EYA2: variants seen among roughly 807,000 people sequenced by gnomAD.
EYA2 encodes EYA transcriptional coactivator and phosphatase 2, also known as protein phosphatase EYA2.
EYA2 carries 31 observed loss-of-function variants against 69.2 expected under a neutral mutation model. The ratio of observed to expected loss-of-function variants is 0.45; its 90% CI spans 0.34 to 0.60. EYA2 has a LOEUF of 0.60. EYA2 is among the 20% of genes least tolerant of loss of function. The pLI, the probability that EYA2 is intolerant of heterozygous loss-of-function variation, is 0.02. For synonymous variants in EYA2, 257 were observed against 279.4 expected (o/e 0.92, Z 0.80); for missense variants, 622 against 701.2 (o/e 0.89, Z 1.28).
At chr20:47,097,317 A>G (rs2032278974) in intron 9 of EYA2, 149 bp downstream of exon 9, 2 of 605,424 alleles carry the variant, frequency 3.3e-6, no homozygotes, top group Admixed American at 6.6e-5. Context: ...AAAAATTCCT[A>G]TGACATTTTC....
At position 47,089,396 on chromosome 20, in the gene EYA2, C is replaced by G; in HGVS notation, c.804+15C>G. 1 of 1,606,514 alleles carries G rather than the reference C, an allele frequency of 6.2e-7. No homozygotes were observed. Among genetic ancestry groups the G allele is most frequent in the South Asian group, 1.1e-5 (1 of 90,202 alleles). ...ATGAGATTGAGGTAATCCAAAGGGG[C>G]TCTGTGTGACCTGGTGAATGTAATC... is the stretch of plus-strand genomic sequence containing the variant. On this transcript the variant is annotated intron_variant, in intron 8 of 15. Transcript: ENST00000327619.
chr20:46,914,692 C>G (rs918260638), intron 1 of EYA2, among the ~76,000 whole-genome samples: 2 of 152,184 alleles, frequency 1.3e-5, no homozygotes, highest in Admixed American at 1.3e-4. Context: ...GTCCCTCCCA[C>G]GACACGTGGG....
chr20:46,952,997 T>C (rs1375029814), intron 1 of EYA2, among the ~76,000 whole-genome samples: 1 of 152,208 alleles, frequency 6.6e-6, no homozygotes, highest in Non-Finnish European at 1.5e-5. Context: ...GCACAGCTCA[T>C]AGAGTTCAAT....
At chr20:47,046,918 TACTTA>T (rs1401160991) in intron 5 of EYA2, among the ~76,000 whole-genome samples, 1 of 152,210 alleles carries the variant, frequency 6.6e-6, no homozygotes, top group Non-Finnish European at 1.5e-5. Flanking sequence ...TTAGACATGT[TACTTA>T]ACTTCTTTAA....
chr20:47,105,180 A>G (rs1256216046), intron 9 of EYA2, among the ~76,000 whole-genome samples: 1 of 152,298 alleles, frequency 6.6e-6, no homozygotes, highest in East Asian at 1.9e-4. Context: ...GGAGTCCTCC[A>G]CCTTTGTTCT....
intron 2 of EYA2, among the ~76,000 whole-genome samples, chr20:46,997,295 C>T (rs1600623708): frequency 6.6e-6 from 1 of 152,120 alleles, no homozygotes; most frequent in Admixed American, 6.5e-5. Flanking sequence ...GGAAAATACA[C>T]CCCCATGCTT....
chr20:47,142,965 A>G, intron 9 of EYA2, 94 bp from the exon 10 acceptor site: 1 of 1,175,498 alleles, frequency 8.5e-7, no homozygotes, highest in Non-Finnish European at 1.2e-6. Flanking sequence ...AGGAAAAACC[A>G]AAACTGCTTT....
intron 10 of EYA2, among the ~76,000 whole-genome samples, chr20:47,163,798 C>T (rs1320622347): frequency 6.8e-6 from 1 of 146,302 alleles, no homozygotes; most frequent in Non-Finnish European, 1.5e-5. Context: ...GCTACGACCT[C>T]ATCAAGGGAA....
intron 7 of EYA2, among the ~76,000 whole-genome samples, chr20:47,074,643 T>C (rs2146478301): frequency 6.6e-6 from 1 of 152,328 alleles, no homozygotes; most frequent in South Asian, 2.1e-4. Flanking sequence ...TGGCTTCTTT[T>C]GAAAGAAGAT....
chr20:46,986,417 CTATA>C (rs375276401), intron 1 of EYA2, among the ~76,000 whole-genome samples: 2 of 139,282 alleles, frequency 1.4e-5, no homozygotes, highest in African/African-American at 5.4e-5. Context: ...TATATAATAT[CTATA>C]TATATAATAT....
At chr20:47,059,729 C>G (rs2030791232) in intron 5 of EYA2, among the ~76,000 whole-genome samples, 3 of 152,236 alleles carry the variant, frequency 2.0e-5, no homozygotes, top group Admixed American at 2.0e-4. Flanking sequence ...TCCCCAAACT[C>G]TCCAGAATTT....
chr20:47,126,222 C>T (rs565359546), intron 9 of EYA2, among the ~76,000 whole-genome samples: 1 of 152,332 alleles, frequency 6.6e-6, no homozygotes, highest in Non-Finnish European at 1.5e-5. Flanking sequence ...CTTCGCGTGG[C>T]ACCTGAGAAA....
rs3085517 is a variant in EYA2, at chr20:47,105,624, CA to C, written c.888+8472del. Among the ~76,000 whole-genome samples, 47 of 131,206 alleles carry C rather than the reference CA, an allele frequency of 3.6e-4. 1 individual carries two copies. The highest frequency in any genetic ancestry group is 6.3e-4 in the Admixed American group (8 of 12,768). 86.1% of individuals were successfully genotyped at this position (131,206 alleles called of 152,430 possible). A position where few individuals can be genotyped will look rare whatever the true frequency, so the allele number is the denominator to read the frequency against. ...TGGGCGACAGAGCAAGACTCTGTCC[CA>C]AAAAAAAAAAAAAAAGGAACCTGCC... On this transcript the variant is annotated intron_variant, in intron 9 of 15. Coordinates refer to ENST00000327619, the MANE Select transcript of EYA2 (RefSeq NM_005244.5).
At chr20:46,978,204 T>C in intron 1 of EYA2, 1 of 180,896 alleles carries the variant, frequency 5.5e-6, no homozygotes, top group South Asian at 1.2e-4. Flanking sequence ...TGGGAGATGC[T>C]AATTGCCAGG....
At chr20:46,974,841 G>C (rs1269798295) in intron 1 of EYA2, among the ~76,000 whole-genome samples, 1 of 152,208 alleles carries the variant, frequency 6.6e-6, no homozygotes, top group South Asian at 2.1e-4. Context: ...GAATCAAGCA[G>C]AACATGTGTG....
chr20:46,958,301 G>T (rs1180397216), intron 1 of EYA2, among the ~76,000 whole-genome samples: 1 of 152,154 alleles, frequency 6.6e-6, no homozygotes, highest in Non-Finnish European at 1.5e-5. Flanking sequence ...CTTTGAGAGA[G>T]AATCTAAACT....
chr20:47,134,924 A>G (rs1175327646), intron 9 of EYA2, among the ~76,000 whole-genome samples: 1 of 151,900 alleles, frequency 6.6e-6, no homozygotes, highest in Non-Finnish European at 1.5e-5. Flanking sequence ...TCAGGAGATC[A>G]AGACCATCCT....
At chr20:47,073,357 A>G (rs1056485955) in intron 6 of EYA2, among the ~76,000 whole-genome samples, 10 of 152,040 alleles carry the variant, frequency 6.6e-5, no homozygotes, top group Admixed American at 6.5e-4. Flanking sequence ...CCCTCATAGA[A>G]TATTCTGGAC....
At chr20:47,107,686 G>C (rs2032628504) in intron 9 of EYA2, among the ~76,000 whole-genome samples, 1 of 142,492 alleles carries the variant, frequency 7.0e-6, no homozygotes. Context: ...ACAAGAAAGA[G>C]AGAAAGAAAA....
Sources: allele counts gnomAD v4.1 joint callset (sites outside exome capture counted in the v4.1 genomes callset), GRCh38; gene constraint gnomAD v4.1.1; transcripts MANE v1.5; gene names NCBI Gene and HGNC (gene_info 2026-07-23, HGNC 2026-07-21).